Variants in OGFOD3 observed in about 807,000 individuals in gnomAD.
The protein encoded by OGFOD3 is 2-oxoglutarate and iron dependent oxygenase domain containing 3.
Under a neutral mutation model 39.8 loss-of-function variants are expected in OGFOD3, and 35 were observed. That is an observed-to-expected ratio of 0.88 (90% CI 0.67 to 1.17). The LOEUF (loss-of-function observed/expected upper bound fraction) is 1.17, where lower values mean the gene tolerates loss of function less well. Ranked by LOEUF, OGFOD3 falls within the 50% of genes most tolerant of loss-of-function variation. OGFOD3 has a pLI of 0.00. For missense variants in OGFOD3, 438 were observed against 454.5 expected (o/e 0.96, Z 0.33); for synonymous variants, 200 against 192.0 (o/e 1.04, Z -0.34).
chr17:82,398,334 G>T lies in OGFOD3; in HGVS notation c.700-15C>A. 1 of 1,613,922 alleles carries T rather than the reference G, an allele frequency of 6.2e-7. No homozygotes were observed. The highest frequency in any genetic ancestry group is 8.5e-7 in the Non-Finnish European group (1 of 1,179,884). On this transcript the variant is annotated splice_polypyrimidine_tract_variant and intron_variant, in intron 7 of 8. Transcript: ENST00000313056. ...CCGTAGGTCACCTGAGGGCAGAGCC[G>T]GGAGGAGGGGGCAGAATGGGCTCTC...
intron 6 of OGFOD3, 94 bp downstream of exon 6, chr17:82,405,211 GCCCTGGCCCCTGGGCCTCT>G: frequency 1.1e-6 from 1 of 881,090 alleles, no homozygotes; most frequent in Non-Finnish European, 1.8e-6. Flanking sequence ...TGCAGGCCTG[GCCCTGGCCCCTGGGCCTCT>G]CCGTGGGGCC....
At chr17:82,411,593 G>A in intron 2 of OGFOD3, 63 bp from the exon 3 acceptor site, 2 of 1,372,118 alleles carry the variant, frequency 1.5e-6, no homozygotes, top group South Asian at 2.3e-5. Context: ...CCCTTCCAGG[G>A]AATCAGGGCC....
At chr17:82,405,931 G>C (rs968697480) in intron 5 of OGFOD3, among the ~76,000 whole-genome samples, 1 of 152,142 alleles carries the variant, frequency 6.6e-6, no homozygotes, top group Non-Finnish European at 1.5e-5. Context: ...CTAGGCGACA[G>C]AGCAAGATTC....
At chr17:82,411,327 G>T in intron 3 of OGFOD3, 128 bp downstream of exon 3, 1 of 809,024 alleles carries the variant, frequency 1.2e-6, no homozygotes, top group South Asian at 1.7e-5. Flanking sequence ...GATTACAGGC[G>T]TGAGCCACCA....
chr17:82,394,503 T>G, intron 8 of OGFOD3: 1 of 1,613,696 alleles, frequency 6.2e-7, no homozygotes. Flanking sequence ...GTCCATTAAC[T>G]TCTTGGAACC....
At position 82,405,358 on chromosome 17, in the gene OGFOD3, TC is replaced by T; in HGVS notation, c.510del (p.Asn171ThrfsTer35). 1 of 1,614,098 alleles carries T rather than the reference TC, an allele frequency of 6.2e-7. No individual in the cohort carries two copies. The highest frequency in any genetic ancestry group is 1.1e-5 in the South Asian group (1 of 91,090). On this transcript the variant is annotated frameshift_variant, in exon 6 of 9. Transcript: ENST00000313056. LOFTEE classifies it high-confidence loss of function. ...NLYRYFGDKI[Q>X]NIFSEEDFRL... Reference sequence around the variant, plus strand: ...CGGAAGTCCTCCTCTGAGAAGATGTTCTGTATTTTATCCCCGAAGTATCTGT... The same window carrying T: ...CGGAAGTCCTCCTCTGAGAAGATGTTTGTATTTTATCCCCGAAGTATCTGT...
chr17:82,398,708 T>C (rs1048339449), intron 7 of OGFOD3, among the ~76,000 whole-genome samples: 2 of 151,564 alleles, frequency 1.3e-5, no homozygotes, highest in East Asian at 3.9e-4. Context: ...CTCTTTTTTT[T>C]TTTAATAGGG....
rs548745168 is a variant in OGFOD3, at chr17:82,411,623, G to A, written c.305-93C>T. The A allele has an allele frequency of 3.0e-3, 2,765 of 921,578 alleles. 12 individuals carry two copies. The highest frequency in any genetic ancestry group is 4.0e-3 in the Non-Finnish European group (2,272 of 572,274). The allele number at this position is 921,578 out of a possible 1,614,324, so 57.1% of individuals were successfully genotyped here. A position where few individuals can be genotyped will look rare whatever the true frequency, so the allele number is the denominator to read the frequency against. On this transcript the variant is annotated intron_variant, in intron 2 of 8. Coordinates refer to ENST00000313056, the MANE Select transcript of OGFOD3 (RefSeq NM_024648.3). ...AGGGCCAGAACTGGCTAATACGCCC[G>A]GTCAAATGTGAATTTCAGACACACA...
Position 82,406,425 on chromosome 17 carries a change from G to T in OGFOD3, c.481C>A (p.Leu161Met), listed in dbSNP as rs1467288174. ...ALSVGKHFVN[L>M]YRYFGDKIQN... The stretch of plus-strand genomic sequence containing the variant: ...TCATGCTGCAGCACTCACCTGTACA[G>T]GTTCACAAAGTGCTTCCCGACAGAC... Residue 161 changes from leucine (L) to methionine (M), a missense_variant, in exon 5 of 9, where the codon CTG becomes ATG. Transcript: ENST00000313056. The surrounding 1 kb of genome is among the most constrained non-coding windows in gnomAD (Gnocchi z 5.2). 6.2e-7 allele frequency: 1 copy of T among 1,614,068 alleles called. No individual in the cohort carries two copies. The highest frequency in any genetic ancestry group is 8.5e-7 in the Non-Finnish European group (1 of 1,179,990).
chr17:82,418,367 C>T, intron 1 of OGFOD3, 45 bp downstream of exon 1: 1 of 1,366,520 alleles, frequency 7.3e-7, no homozygotes, highest in Non-Finnish European at 9.8e-7. Flanking sequence ...ACTCCATGGC[C>T]CTGTCCGCCG....
In OGFOD3 at chr17:82,398,235, T is replaced by C; in HGVS notation, c.784A>G (p.Met262Val). The C allele has an allele frequency of 2.5e-6, 4 of 1,614,008 alleles. No homozygotes were observed. The South Asian group carries it at 3.3e-5, about 13-fold the overall frequency. The change falls in exon 8 of 9, where the codon ATG becomes GTG. Residue 262 changes from methionine (M) to valine (V), a missense_variant. Physicochemically the swap from Met to Val is conservative, Grantham distance 21. Coordinates refer to ENST00000313056, the MANE Select transcript of OGFOD3 (RefSeq NM_024648.3). ...EDFGGGRFMF[M>V]EEGANKTVEP... ...ACCGTCTTGTTGGCACCCTCCTCCA[T>C]GAACATGAACCGCCCTCCGCCGAAG...
chr17:82,412,753 G>A (rs565633591), intron 2 of OGFOD3, among the ~76,000 whole-genome samples: 113 of 152,310 alleles, frequency 7.4e-4, no homozygotes, highest in African/African-American at 2.6e-3. Flanking sequence ...TTCATGCGCT[G>A]GAAAGGCGTC....
intron 8 of OGFOD3, among the ~76,000 whole-genome samples, chr17:82,397,950 T>C (rs909701125): frequency 6.6e-6 from 1 of 151,858 alleles, no homozygotes; most frequent in African/African-American, 2.4e-5. Flanking sequence ...CCTGTCAAGG[T>C]GACACACACC....
In OGFOD3 at chr17:82,415,650, G is replaced by A. The variant is rs375624872; in HGVS notation, c.75-23C>T. The A allele has an allele frequency of 3.3e-5, 53 of 1,586,952 alleles. No individual in the cohort carries two copies. The highest frequency in any genetic ancestry group is 9.1e-5 in the East Asian group (4 of 43,952). On this transcript the variant is annotated intron_variant, in intron 1 of 8. Transcript: ENST00000313056. This position sits in a 1 kb window ranked among gnomAD's most constrained non-coding sequence, Gnocchi z 5.3. ...GTGCTGAGAACAGAAAACAGGCCACGTCACCCAAACACGGAGTGAGGCCAG... is the reference window on the plus strand; with the variant it reads ...GTGCTGAGAACAGAAAACAGGCCACATCACCCAAACACGGAGTGAGGCCAG...
chr17:82,418,033 G>A lies in OGFOD3; in HGVS notation c.74+379C>T, dbSNP rs143809708. ...GCAGGTTTCGTGGTTTAAAAGTGAA[G>A]GCGGAGGCACGCTCCTGGCTCAGGC... On this transcript the variant is annotated intron_variant, in intron 1 of 8. Coordinates refer to ENST00000313056, the MANE Select transcript of OGFOD3 (RefSeq NM_024648.3). 8.6e-3 allele frequency among the ~76,000 whole-genome samples: 1,305 copies of A among 152,344 alleles called. 5 individuals are homozygous for A. The highest frequency in any genetic ancestry group is 0.014 in the Non-Finnish European group (974 of 68,030).
At position 82,403,925 on chromosome 17, in the gene OGFOD3, G is replaced by A. The variant is rs1474133030; in HGVS notation, c.699+12C>T. ...CCACGGGCACGCTCACCCTGCCCAC[G>A]GGCGCGCTCACCTTGTCCACGTGCG... is the stretch of plus-strand genomic sequence containing the variant. On this transcript the variant is annotated intron_variant, in intron 7 of 8. Transcript: ENST00000313056. 6.3e-7 allele frequency: 1 copy of A among 1,594,030 alleles called. No individual in the cohort carries two copies. The highest frequency in any genetic ancestry group is 1.1e-5 in the South Asian group (1 of 88,968).
Position 82,404,238 on chromosome 17 carries a change from C to T in OGFOD3, c.546-148G>A, listed in dbSNP as rs947172906. The T allele has an allele frequency of 6.7e-6, 6 of 898,954 alleles. No individual in the cohort carries two copies. In the African/African-American group the frequency reaches 6.7e-5, roughly 10 times the overall value. The allele number at this position is 898,954 out of a possible 1,614,324, so 55.7% of individuals were successfully genotyped here. ...CTCCCAAGCACACCGGGAACAGATA[C>T]CGGCTCCGCCTGGGAACGACGCGGC... On this transcript the variant is annotated intron_variant, in intron 6 of 8. Transcript: ENST00000313056. The surrounding 1 kb of genome is among the most constrained non-coding windows in gnomAD (Gnocchi z 4.5).
intron 7 of OGFOD3, among the ~76,000 whole-genome samples, chr17:82,400,403 C>T (rs2052745449): frequency 6.6e-6 from 1 of 152,180 alleles, no homozygotes; most frequent in East Asian, 1.9e-4. Context: ...GACTGCACTG[C>T]CTTCTGTAAA....
chr17:82,394,486 G>GCT, intron 8 of OGFOD3: 1 of 1,613,840 alleles, frequency 6.2e-7, no homozygotes, highest in Non-Finnish European at 8.5e-7. Flanking sequence ...AGCTTCACTG[G>GCT]CTCTCGGTCC....
Sources: allele counts gnomAD v4.1 joint callset (sites outside exome capture counted in the v4.1 genomes callset), GRCh38; gene constraint gnomAD v4.1.1; non-coding constraint Gnocchi (gnomAD v3.1); transcripts MANE v1.5; gene names NCBI Gene and HGNC (gene_info 2026-07-23, HGNC 2026-07-21).